ROBO2: variants seen among roughly 807,000 people sequenced by gnomAD.
The protein encoded by ROBO2 is roundabout homolog 2.
ROBO2 carries 53 observed loss-of-function variants against 160.8 expected under a neutral mutation model. The observed-to-expected ratio is 0.33, with a 90% CI of 0.26 to 0.41. The LOEUF (loss-of-function observed/expected upper bound fraction) is 0.41. ROBO2 is among the 10% of genes least tolerant of loss of function. The pLI is 1.00. For missense variants in ROBO2, 1,577 were observed against 1,722.4 expected (o/e 0.92, Z 1.49); for synonymous variants, 664 against 611.7 (o/e 1.09, Z -1.26).
intron 2 of ROBO2, among the ~76,000 whole-genome samples, chr3:77,333,113 A>G (rs998570956): frequency 2.6e-5 from 4 of 152,228 alleles, no homozygotes; most frequent in African/African-American, 7.2e-5. Context: ...ACCAGATACA[A>G]TGCATATGAT....
intron 2 of ROBO2, among the ~76,000 whole-genome samples, chr3:77,374,597 G>A (rs1445563769): frequency 6.6e-6 from 1 of 152,038 alleles, no homozygotes; most frequent in Non-Finnish European, 1.5e-5. Context: ...TAAAGTTTTT[G>A]TAAGTTTATT....
At chr3:77,550,653 T>C (rs1480435141) in intron 7 of ROBO2, among the ~76,000 whole-genome samples, 165 bp from the exon 9 acceptor site, 1 of 152,098 alleles carries the variant, frequency 6.6e-6, no homozygotes, top group Non-Finnish European at 1.5e-5. Context: ...GGAAAACCTT[T>C]ATCAGTGAAA....
chr3:76,499,297 A>C (rs2080331678), intron 2 of ROBO2, among the ~76,000 whole-genome samples: 1 of 152,204 alleles, frequency 6.6e-6, no homozygotes, highest in Admixed American at 6.5e-5. Flanking sequence ...AAAAAACTTA[A>C]ATATGGATGC....
chr3:76,516,059 T>G (rs1289584119), intron 2 of ROBO2, among the ~76,000 whole-genome samples: 2 of 152,144 alleles, frequency 1.3e-5, no homozygotes, highest in African/African-American at 4.8e-5. Context: ...CTTGGTTTAT[T>G]TAGACCTTTC....
chr3:76,639,411 CATAA>C (rs778565516), intron 2 of ROBO2, among the ~76,000 whole-genome samples: 2 of 151,432 alleles, frequency 1.3e-5, no homozygotes, highest in Non-Finnish European at 2.9e-5. Flanking sequence ...CACATACATA[CATAA>C]ATACATATAT....
rs1028043305 is a variant in ROBO2 at position 76,606,141 on chromosome 3, TA to T, written c.110-491864del. On this transcript the variant is annotated intron_variant, in intron 2 of 26. Transcript: ENST00000487694. ...TGGGGAAATAAAAGTGTTTCTTAATTAAAAAAAAATAAGGGGAATCATTTTT... is the reference window on the plus strand; with the variant it reads ...TGGGGAAATAAAAGTGTTTCTTAATTAAAAAAAATAAGGGGAATCATTTTT... Among the ~76,000 whole-genome samples, 8 of 151,230 alleles carry T rather than the reference TA, an allele frequency of 5.3e-5. No homozygotes were observed. In the South Asian group the frequency reaches 8.4e-4, roughly 16 times the overall value.
exon 3 of ROBO2, chr3:77,477,469 G>C: frequency 6.2e-7 from 1 of 1,613,908 alleles, no homozygotes; most frequent in Non-Finnish European, 8.5e-7. Context: ...CAGCTGGAGA[G>C]CCTGCAATCC....
At chr3:76,575,796 C>A (rs1229292695) in intron 2 of ROBO2, among the ~76,000 whole-genome samples, 1 of 152,020 alleles carries the variant, frequency 6.6e-6, no homozygotes, top group Non-Finnish European at 1.5e-5. Flanking sequence ...ACCATCTCCA[C>A]AATAAGCCCC....
chr3:76,481,258 T>C (rs1209001804), intron 2 of ROBO2, among the ~76,000 whole-genome samples: 8 of 152,138 alleles, frequency 5.3e-5, no homozygotes, highest in African/African-American at 1.9e-4. Context: ...TGGACATAAA[T>C]GATATCATCT....
At chr3:76,123,337 T>C (rs1487098762) in intron 2 of ROBO2, among the ~76,000 whole-genome samples, 1 of 152,160 alleles carries the variant, frequency 6.6e-6, no homozygotes, top group African/African-American at 2.4e-5. Context: ...TTAGTCATTA[T>C]TGAAGGAACA....
chr3:77,638,698 A>C (rs1274989432), intron 24 of ROBO2, among the ~76,000 whole-genome samples: 2 of 152,108 alleles, frequency 1.3e-5, no homozygotes, highest in Non-Finnish European at 2.9e-5. Context: ...TTGTCTTATA[A>C]ATCAAAGAAT....
chr3:76,592,915 A>C (rs1484754984), intron 2 of ROBO2, among the ~76,000 whole-genome samples: 9 of 152,056 alleles, frequency 5.9e-5, no homozygotes, highest in African/African-American at 2.2e-4. Context: ...TAATTCCCTC[A>C]ACAAATATTT....
chr3:75,941,208 G>T, intron 2 of ROBO2, among the ~76,000 whole-genome samples: 1 of 152,028 alleles, frequency 6.6e-6, no homozygotes, highest in East Asian at 1.9e-4. Flanking sequence ...CTCTAACCTA[G>T]GCCTTCCAAA....
At chr3:77,344,618 A>G (rs1370877600) in intron 2 of ROBO2, among the ~76,000 whole-genome samples, 2 of 152,152 alleles carry the variant, frequency 1.3e-5, no homozygotes, top group Non-Finnish European at 2.9e-5. Flanking sequence ...CAGAAGGTAT[A>G]AGAGATGAAT....
At chr3:76,299,804 T>C (rs887242230) in intron 2 of ROBO2, among the ~76,000 whole-genome samples, 4 of 152,008 alleles carry the variant, frequency 2.6e-5, no homozygotes, top group Non-Finnish European at 2.9e-5. Context: ...GATTTTGAGG[T>C]GGATTCTACA....
intron 2 of ROBO2, among the ~76,000 whole-genome samples, chr3:77,363,127 A>G (rs1279902291): frequency 3.9e-5 from 6 of 152,172 alleles, no homozygotes; most frequent in Admixed American, 3.9e-4. Flanking sequence ...CCCAGTGAGC[A>G]TAGAAAGTGT....
chr3:76,841,442 G>A (rs762008247), intron 2 of ROBO2, among the ~76,000 whole-genome samples: 5 of 152,172 alleles, frequency 3.3e-5, no homozygotes, highest in Admixed American at 1.3e-4. Flanking sequence ...TAGAAGAAAC[G>A]TGTGGTAAAC....
chr3:76,568,338 C>T (rs2084731629), intron 2 of ROBO2, among the ~76,000 whole-genome samples: 1 of 152,042 alleles, frequency 6.6e-6, no homozygotes, highest in African/African-American at 2.4e-5. Context: ...CGCTCTGTCA[C>T]CCAGGCTGGA....
chr3:76,711,993 T>C (rs947951731), intron 2 of ROBO2, among the ~76,000 whole-genome samples: 6 of 152,210 alleles, frequency 3.9e-5, no homozygotes, highest in Admixed American at 2.6e-4. Flanking sequence ...TAATGGCAGC[T>C]TCCAGAATAT....
Sources: allele counts gnomAD v4.1 joint callset (sites outside exome capture counted in the v4.1 genomes callset), GRCh38; gene constraint gnomAD v4.1.1; transcripts MANE v1.5; gene names NCBI Gene and HGNC (gene_info 2026-07-23, HGNC 2026-07-21).